AFG1L: variants seen among roughly 807,000 people sequenced by gnomAD.
The protein encoded by AFG1L is AFG1-like ATPase.
AFG1L carries 53 observed loss-of-function variants against 62.2 expected under a neutral mutation model. The ratio of observed to expected loss-of-function variants is 0.85; its 90% CI spans 0.68 to 1.07. AFG1L has a LOEUF of 1.07. Among genes scored for constraint, AFG1L ranks in the 50% least tolerant of loss-of-function variants. AFG1L has a pLI of 0.00. For synonymous variants in AFG1L, 228 were observed against 210.3 expected (o/e 1.08, Z -0.73); for missense variants, 555 against 590.5 (o/e 0.94, Z 0.62).
chr6:108,374,456 T>G (rs1218530251), intron 6 of AFG1L, among the ~76,000 whole-genome samples: 1 of 152,198 alleles, frequency 6.6e-6, no homozygotes, highest in Non-Finnish European at 1.5e-5. Flanking sequence ...CATCTAGGAT[T>G]CTTATAGTTT....
intron 8 of AFG1L, among the ~76,000 whole-genome samples, chr6:108,459,692 A>G (rs1256728834): frequency 6.6e-6 from 1 of 152,234 alleles, no homozygotes; most frequent in Non-Finnish European, 1.5e-5. Flanking sequence ...GCAATTGAAA[A>G]AATGTTGAGA....
At chr6:108,307,225 G>A (rs949912264) in intron 1 of AFG1L, among the ~76,000 whole-genome samples, 4 of 151,730 alleles carry the variant, frequency 2.6e-5, no homozygotes, top group Non-Finnish European at 5.9e-5. Flanking sequence ...TGTTGGCCAG[G>A]CTGGTCTAGA....
At chr6:108,445,283 G>C (rs1419885169) in intron 7 of AFG1L, among the ~76,000 whole-genome samples, 1 of 152,166 alleles carries the variant, frequency 6.6e-6, no homozygotes, top group Non-Finnish European at 1.5e-5. Flanking sequence ...GAATGTTGTG[G>C]CTGTTTTGAT....
intron 7 of AFG1L, among the ~76,000 whole-genome samples, chr6:108,410,502 C>T (rs923448891): frequency 1.3e-5 from 2 of 152,118 alleles, no homozygotes; most frequent in African/African-American, 4.8e-5. Context: ...AAAAATGTGA[C>T]ATCTGGTCAG....
chr6:108,399,996 C>A (rs1381373372), intron 6 of AFG1L, among the ~76,000 whole-genome samples: 4 of 151,738 alleles, frequency 2.6e-5, no homozygotes, highest in Non-Finnish European at 5.9e-5. Flanking sequence ...TCAGGCTGGT[C>A]CTGAACTCCT....
chr6:108,404,046 A>G (rs973450538), intron 7 of AFG1L, among the ~76,000 whole-genome samples: 7 of 152,156 alleles, frequency 4.6e-5, no homozygotes, highest in East Asian at 1.9e-4. Context: ...CAAAACATCA[A>G]TGAAATGAAA....
At chr6:108,406,328 T>TG (rs1259977031) in intron 7 of AFG1L, among the ~76,000 whole-genome samples, 2 of 149,696 alleles carry the variant, frequency 1.3e-5, no homozygotes, top group Non-Finnish European at 3.0e-5. Context: ...TTTTTTTTTT[T>TG]GATAATAACC....
At chr6:108,318,231 TCATCATAGGCAG>T (rs1327568358) in intron 1 of AFG1L, 1 of 302,264 alleles carries the variant, frequency 3.3e-6, no homozygotes, top group Non-Finnish European at 6.4e-6. Context: ...GTGGCTATCA[TCATCATAGGCAG>T]ACTAAGCTGA....
chr6:108,416,768 C>T (rs1770312888), intron 7 of AFG1L, among the ~76,000 whole-genome samples: 1 of 152,044 alleles, frequency 6.6e-6, no homozygotes, highest in Admixed American at 6.6e-5. Flanking sequence ...ACACTGGGGC[C>T]TGTCATGCGG....
chr6:108,307,460 G>C (rs368108443), intron 1 of AFG1L, among the ~76,000 whole-genome samples: 76 of 149,712 alleles, frequency 5.1e-4, no homozygotes, highest in African/African-American at 1.7e-3. Flanking sequence ...GCCCAGGCTG[G>C]AGTACAGTGG....
chr6:108,448,079 A>G (rs1019568001), intron 8 of AFG1L, among the ~76,000 whole-genome samples: 1 of 152,186 alleles, frequency 6.6e-6, no homozygotes, highest in Non-Finnish European at 1.5e-5. Context: ...TGTCTCTGCC[A>G]CCTTGTAAGC....
rs147442970 is a variant in AFG1L at position 108,315,342 on chromosome 6, A to T, written c.140-8483A>T. Among the ~76,000 whole-genome samples, 1,058 of 152,138 alleles carry T rather than the reference A, an allele frequency of 7.0e-3. 8 individuals carry two copies. Among genetic ancestry groups the T allele is most frequent in the Non-Finnish European group, 0.011 (745 of 67,996 alleles). On this transcript the variant is annotated intron_variant, in intron 1 of 12. Coordinates refer to ENST00000368977, the MANE Select transcript of AFG1L (RefSeq NM_145315.5). ...GGCTGGGATGTTATTGATATTTCTC[A>T]TGGGTGACTCCTTTTGGCATTCGGG...
intron 10 of AFG1L, among the ~76,000 whole-genome samples, chr6:108,492,037 G>A (rs1483417290): frequency 6.6e-6 from 1 of 152,188 alleles, no homozygotes; most frequent in African/African-American, 2.4e-5. Flanking sequence ...ACTTTAACGT[G>A]TTCAGAAGTT....
chr6:108,397,371 A>G (rs1312924323), intron 6 of AFG1L, among the ~76,000 whole-genome samples: 2 of 151,600 alleles, frequency 1.3e-5, no homozygotes, highest in East Asian at 3.9e-4. Flanking sequence ...CAGGTGATCC[A>G]CGCCCCCTTG....
intron 2 of AFG1L, among the ~76,000 whole-genome samples, chr6:108,324,327 CA>C (rs1777945228): frequency 6.6e-6 from 1 of 152,222 alleles, no homozygotes; most frequent in Admixed American, 6.5e-5. Context: ...TCCTCTAGCT[CA>C]GGCCTCATCC....
chr6:108,365,438 CA>C (rs1187124894), intron 5 of AFG1L, among the ~76,000 whole-genome samples: 2 of 146,624 alleles, frequency 1.4e-5, no homozygotes, highest in Non-Finnish European at 3.0e-5. Flanking sequence ...TGTATTGTCA[CA>C]AGTTATTTTT....
At position 108,295,137 on chromosome 6, in the gene AFG1L, A is replaced by G. The variant is rs748943313; in HGVS notation, c.58A>G (p.Arg20Gly). ...GCGCCCCTTAGCACAGAGCCCGCTG[A>G]GAGGGAGATGTGTTGGGTGCGGGGC... ...TLRPLAQSPL[R>G]GRCVGCGAWA... Residue 20 changes from arginine to glycine, a missense_variant, in exon 1 of 13, where the codon AGA (arginine) becomes GGA (glycine). By Grantham distance (125) the Arg-to-Gly change is moderately radical (BLOSUM62 -2). Coordinates refer to ENST00000368977, the MANE Select transcript of AFG1L (RefSeq NM_145315.5). 1 of 1,610,888 alleles carries G rather than the reference A, an allele frequency of 6.2e-7. No individual in the cohort carries two copies. Among genetic ancestry groups the G allele is most frequent in the Non-Finnish European group, 8.5e-7 (1 of 1,179,964 alleles).
At chr6:108,486,212 A>G (rs527918844) in intron 10 of AFG1L, among the ~76,000 whole-genome samples, 1 of 152,102 alleles carries the variant, frequency 6.6e-6, no homozygotes, top group Admixed American at 6.5e-5. Flanking sequence ...TTTAACACTG[A>G]TGGTTTTTCT....
intron 7 of AFG1L, among the ~76,000 whole-genome samples, chr6:108,418,634 C>G (rs1770440923): frequency 6.6e-6 from 1 of 152,044 alleles, no homozygotes; most frequent in Non-Finnish European, 1.5e-5. Context: ...GTGAGTGAAC[C>G]AAAAGCAAAG....
Sources: allele counts gnomAD v4.1 joint callset (sites outside exome capture counted in the v4.1 genomes callset), GRCh38; gene constraint gnomAD v4.1.1; transcripts MANE v1.5; gene names NCBI Gene and HGNC (gene_info 2026-07-23, HGNC 2026-07-21).